Variants in SERAC1 observed in about 807,000 individuals in gnomAD.
SERAC1 encodes protein SERAC1.
Under a neutral mutation model 85.7 loss-of-function variants are expected in SERAC1, and 36 were observed. That is an observed-to-expected ratio of 0.42 (90% CI 0.32 to 0.55). The LOEUF is 0.55. Ranked by LOEUF, SERAC1 falls within the 20% of genes least tolerant of loss-of-function variation. The pLI is 0.11. For missense variants in SERAC1, 629 were observed against 796.2 expected, an observed-to-expected ratio of 0.79 and a Z score of 2.53; for synonymous variants, 242 against 265.3, an observed-to-expected ratio of 0.91 and a Z score of 0.85.
rs1052917081 is a variant in SERAC1, at chr6:158,111,109, G to A, written c.*257C>T. On this transcript the variant is annotated 3_prime_UTR_variant, in exon 17 of 17. Coordinates refer to ENST00000647468, the MANE Select transcript of SERAC1 (RefSeq NM_032861.4). ...CTCCAGTCACCAAGCCCAACACTGC[G>A]AACCATAAAGCAGCACACAGGGACT... 1.1e-5 allele frequency: 3 copies of A among 261,672 alleles called. No homozygotes were observed. The highest frequency in any genetic ancestry group is 6.7e-5 in the East Asian group (1 of 14,856). 16.2% of individuals were successfully genotyped at this position (261,672 alleles called of 1,614,324 possible).
chr6:158,130,690 C>A (rs574380686), intron 8 of SERAC1, among the ~76,000 whole-genome samples: 2 of 152,136 alleles, frequency 1.3e-5, no homozygotes, highest in Non-Finnish European at 2.9e-5. Context: ...CCAAGAAGAG[C>A]GCAACCTGTG....
At chr6:158,116,394 A>C (rs1583559687) in intron 13 of SERAC1, 112 bp from the exon 14 acceptor site, 7 of 736,058 alleles carry the variant, frequency 9.5e-6, no homozygotes, top group Non-Finnish European at 1.6e-5. Context: ...TACATACTAC[A>C]TTTAGAGTAA....
rs1207351763 is a variant in SERAC1 at position 158,146,863 on chromosome 6, G to A, written c.406C>T (p.Leu136Phe). ...IEDHECAVWLLLRKSKSDDKT... is the reference protein window; with the variant it reads ...IEDHECAVWLFLRKSKSDDKT... The stretch of plus-strand genomic sequence containing the variant: ...TCATCTGACTTGCTCTTCCGTAGGA[G>A]CAGCCACACAGCACACTCATGATCT... Residue 136 changes from leucine (L) to phenylalanine (F), a missense_variant, in exon 6 of 17, where the codon CTC becomes TTC. Transcript: ENST00000647468. 1.9e-6 allele frequency: 3 copies of A among 1,613,766 alleles called. No individual in the cohort carries two copies. The highest frequency in any genetic ancestry group is 2.5e-6 in the Non-Finnish European group (3 of 1,179,884).
intron 8 of SERAC1, among the ~76,000 whole-genome samples, chr6:158,134,313 C>T (rs947927467): frequency 6.6e-6 from 1 of 152,310 alleles, no homozygotes; most frequent in East Asian, 1.9e-4. Flanking sequence ...TTACCTAGCC[C>T]AGAACTTGGT....
intron 5 of SERAC1, among the ~76,000 whole-genome samples, chr6:158,147,580 GA>G (rs1303106194): frequency 6.8e-6 from 1 of 146,650 alleles, no homozygotes; most frequent in African/African-American, 2.5e-5. Flanking sequence ...CTAACACGGT[GA>G]AACCCTGTCT....
At chr6:158,128,628 GA>G (rs1458315066) in intron 9 of SERAC1, among the ~76,000 whole-genome samples, 6 of 152,090 alleles carry the variant, frequency 3.9e-5, no homozygotes, top group Non-Finnish European at 5.9e-5. Context: ...TTCTCACCTT[GA>G]AAAATCTGCC....
In SERAC1 at chr6:158,111,256, T is replaced by C. The variant is rs754579027; in HGVS notation, c.*110A>G. The C allele has an allele frequency of 1.9e-6, 2 of 1,063,572 alleles. No individual in the cohort carries two copies. The highest frequency in any genetic ancestry group is 1.6e-5 in the South Asian group (1 of 60,674). The allele number at this position is 1,063,572 out of a possible 1,614,324, so 65.9% of individuals were successfully genotyped here. A position where few individuals can be genotyped will look rare whatever the true frequency, so the allele number is the denominator to read the frequency against. On this transcript the variant is annotated 3_prime_UTR_variant, in exon 17 of 17. Transcript: ENST00000647468. ...AGTCTGCAACACACTCCAGACCATG[T>C]TGACGCTATGATCACTATGTTTGCA...
At chr6:158,156,207 T>C (rs967908121) in intron 2 of SERAC1, among the ~76,000 whole-genome samples, 2 of 152,180 alleles carry the variant, frequency 1.3e-5, no homozygotes, top group Non-Finnish European at 2.9e-5. Flanking sequence ...TATAAATGTT[T>C]GTTTGGGTCT....
intron 12 of SERAC1, among the ~76,000 whole-genome samples, chr6:158,118,435 G>A (rs554252174): frequency 6.6e-6 from 1 of 152,122 alleles, no homozygotes; most frequent in East Asian, 1.9e-4. Flanking sequence ...AGGTTCTTTG[G>A]GAGAAATAGT....
intron 4 of SERAC1, 22 bp from the exon 5 acceptor site, chr6:158,148,976 G>A: frequency 1.3e-6 from 2 of 1,538,974 alleles, no homozygotes; most frequent in Non-Finnish European, 1.8e-6. Flanking sequence ...ATAAAATTAA[G>A]TAAAACCAAG....
At chr6:158,165,645 A>G (rs1397424404) in intron 1 of SERAC1, among the ~76,000 whole-genome samples, 2 of 152,148 alleles carry the variant, frequency 1.3e-5, no homozygotes, top group African/African-American at 2.4e-5. Flanking sequence ...CTCCATCACT[A>G]TCCATCAAAT....
At chr6:158,142,113 A>AC (rs1476667585) in intron 8 of SERAC1, among the ~76,000 whole-genome samples, 1 of 152,006 alleles carries the variant, frequency 6.6e-6, no homozygotes, top group African/African-American at 2.4e-5. Flanking sequence ...CTGACATAAC[A>AC]CCCCAAGAAT....
rs1435173111 is a variant in SERAC1 at position 158,113,571 on chromosome 6, A to C, written c.1706T>G (p.Leu569Arg). 3 of 1,613,902 alleles carry C rather than the reference A, an allele frequency of 1.9e-6. No homozygotes were observed. The South Asian group carries it at 3.3e-5, about 18-fold the overall frequency. The change falls in exon 16 of 17, where the codon CTA becomes CGA. Residue 569 changes from leucine to arginine, a missense_variant. Transcript: ENST00000647468. ...AGCAAACTCCAGAAAGTCATCTTGT[A>C]GTGTTTTAAGTGCAGGAGAATCTGT... Reference protein sequence around the residue: ...LSKDSPALKTLQDDFLEFAKD... With the variant: ...LSKDSPALKTRQDDFLEFAKD...
intron 5 of SERAC1, 126 bp downstream of exon 5, chr6:158,148,739 G>T: frequency 1.4e-6 from 1 of 694,490 alleles, no homozygotes; most frequent in Non-Finnish European, 2.3e-6. Flanking sequence ...CACCATACCT[G>T]GCCTGATTAA....
intron 2 of SERAC1, among the ~76,000 whole-genome samples, chr6:158,156,911 T>G (rs1432507148): frequency 9.9e-6 from 1 of 100,506 alleles, no homozygotes; most frequent in Non-Finnish European, 2.3e-5. Context: ...TATTAATATA[T>G]TTATATAAAT....
chr6:158,128,242 GCT>G lies in SERAC1; in HGVS notation c.879_880del (p.Glu293AspfsTer20). 6.2e-7 allele frequency: 1 copy of G among 1,613,984 alleles called. No individual in the cohort carries two copies. Among genetic ancestry groups the G allele is most frequent in the Non-Finnish European group, 8.5e-7 (1 of 1,179,952 alleles). Reference sequence around the variant, plus strand: ...CTGAAGTAGCTGCAGGCCTCCATTTGCTTCGATTTTATCACAATGTGTGGATA... The same window carrying G: ...CTGAAGTAGCTGCAGGCCTCCATTTGTCGATTTTATCACAATGTGTGGATA... On this transcript the variant is annotated frameshift_variant, in exon 10 of 17. Transcript: ENST00000647468. LOFTEE classifies it high-confidence loss of function.
rs1784195237 is a variant in SERAC1, at chr6:158,113,461, C to T, written c.1816G>A (p.Val606Met). ...AAAGAGTGAATACCTGCTGATTCCACAGGTACCACATGGAGCTTAATCATG... is the reference window on the plus strand; with the variant it reads ...AAAGAGTGAATACCTGCTGATTCCATAGGTACCACATGGAGCTTAATCATG... ...GSMIKLHVVP[V>M]ESADLGIGDL... The change falls in exon 16 of 17, where the codon GTG becomes ATG. Residue 606 changes from valine to methionine, a missense_variant. By Grantham distance (21) the Val-to-Met change is conservative. Coordinates refer to ENST00000647468, the MANE Select transcript of SERAC1 (RefSeq NM_032861.4). 1 of 1,612,694 alleles carries T rather than the reference C, an allele frequency of 6.2e-7. No individual in the cohort carries two copies. The highest frequency in any genetic ancestry group is 1.3e-5 in the African/African-American group (1 of 75,036).
At chr6:158,138,118 C>T (rs553576224) in intron 8 of SERAC1, among the ~76,000 whole-genome samples, 2 of 152,140 alleles carry the variant, frequency 1.3e-5, no homozygotes, top group South Asian at 4.2e-4. Flanking sequence ...CTGGCTGAGG[C>T]CAAGAATTCT....
chr6:158,119,746 A>T lies in SERAC1; in HGVS notation c.1167-576T>A, dbSNP rs1784376506. Among the ~76,000 whole-genome samples the T allele has an allele frequency of 6.6e-6, 1 of 152,224 alleles. No individual in the cohort carries two copies. The highest frequency in any genetic ancestry group is 2.1e-4 in the South Asian group (1 of 4,830). On this transcript the variant is annotated intron_variant, in intron 11 of 16. Transcript: ENST00000647468. This position sits in a 1 kb window ranked among gnomAD's most constrained non-coding sequence, Gnocchi z 4.5. ...TATATAACCATAATATTTTATTTACAAATTGTAATTAACCAGGTAATCCAC... is the reference window on the plus strand; with the variant it reads ...TATATAACCATAATATTTTATTTACTAATTGTAATTAACCAGGTAATCCAC...
Sources: gnomAD v4.1 joint callset for allele counts (sites outside exome capture counted in the v4.1 genomes callset) on GRCh38, gnomAD v4.1.1 for gene constraint, Gnocchi (gnomAD v3.1) non-coding constraint, MANE v1.5 for transcripts, NCBI Gene and HGNC (gene_info 2026-07-23, HGNC 2026-07-21) for gene names.